GADL1: variants seen among roughly 807,000 people sequenced by gnomAD.
The protein encoded by GADL1 is GAD like acidic amino acid decarboxylase 1, also known as acidic amino acid decarboxylase GADL1.
Under a neutral mutation model 69.5 loss-of-function variants are expected in GADL1, and 71 were observed. The ratio of observed to expected loss-of-function variants is 1.02; its 90% confidence interval spans 0.84 to 1.25. The LOEUF (loss-of-function observed/expected upper bound fraction) is 1.25, where lower values mean the gene tolerates loss of function less well. GADL1 is among the 50% of genes most tolerant of loss of function. The pLI, the probability that GADL1 is intolerant of heterozygous loss-of-function variation, is 0.00. For missense variants in GADL1, 737 were observed against 631.8 expected, an observed-to-expected ratio of 1.17 and a Z score of -1.79; for synonymous variants, 254 against 214.4, an observed-to-expected ratio of 1.18 and a Z score of -1.62.
At chr3:30,758,889 T>C (rs1037028112) in intron 14 of GADL1, among the ~76,000 whole-genome samples, 1 of 152,170 alleles carries the variant, frequency 6.6e-6, no homozygotes, top group African/African-American at 2.4e-5. Context: ...GTGGAATATA[T>C]AGGGGATTTG....
At chr3:30,833,800 G>T in intron 11 of GADL1, 53 bp downstream of exon 11, 2 of 1,286,892 alleles carry the variant, frequency 1.6e-6, no homozygotes, top group Non-Finnish European at 2.3e-6. Flanking sequence ...CCCTTGGCAA[G>T]CACAGTGGCT....
chr3:30,840,940 G>C (rs925434241), intron 8 of GADL1, among the ~76,000 whole-genome samples: 8 of 152,190 alleles, frequency 5.3e-5, no homozygotes, highest in Non-Finnish European at 1.2e-4. Flanking sequence ...ATCCTAGTTT[G>C]AGCTTGTCAG....
chr3:30,774,055 G>A (rs568675773), intron 14 of GADL1, among the ~76,000 whole-genome samples: 3 of 152,228 alleles, frequency 2.0e-5, no homozygotes, highest in Non-Finnish European at 2.9e-5. Flanking sequence ...GACAAGATTC[G>A]ATTGGTAAGA....
intron 8 of GADL1, among the ~76,000 whole-genome samples, 191 bp from the exon 9 acceptor site, chr3:30,839,304 CAG>C (rs751658423): frequency 1.3e-5 from 2 of 151,870 alleles, no homozygotes. Context: ...ATTAAGGAAA[CAG>C]AAAATGCTAT....
intron 14 of GADL1, among the ~76,000 whole-genome samples, chr3:30,759,876 A>T (rs533016960): frequency 1.1e-3 from 175 of 152,290 alleles, no homozygotes; most frequent in African/African-American, 4.1e-3. Context: ...TAACAGACTC[A>T]CAAAATGCTC....
chr3:30,822,887 T>G (rs1257333213), intron 11 of GADL1, among the ~76,000 whole-genome samples: 1 of 151,996 alleles, frequency 6.6e-6, no homozygotes, highest in East Asian at 1.9e-4. Flanking sequence ...GCATGTCTTA[T>G]TCACTGAATA....
intron 1 of GADL1, among the ~76,000 whole-genome samples, chr3:30,891,532 T>C (rs1231524807): frequency 3.9e-5 from 6 of 152,044 alleles, no homozygotes; most frequent in Admixed American, 6.5e-5. Context: ...TTCTGTAACA[T>C]AGGCCAGGGC....
At chr3:30,800,314 C>T (rs1419601498) in intron 12 of GADL1, 1 of 152,640 alleles carries the variant, frequency 6.6e-6, no homozygotes. Context: ...AGTAGAAACC[C>T]CTGATAAAAC....
chr3:30,783,868 A>G (rs899924561), intron 13 of GADL1, among the ~76,000 whole-genome samples: 4 of 152,154 alleles, frequency 2.6e-5, no homozygotes, highest in Admixed American at 1.3e-4. Context: ...TTTCTTTTCT[A>G]AGACTTTAGG....
At chr3:30,814,465 A>T (rs148499785) in intron 11 of GADL1, among the ~76,000 whole-genome samples, 95 of 152,334 alleles carry the variant, frequency 6.2e-4, no homozygotes, top group African/African-American at 2.3e-3. Context: ...TCAGGTTTGC[A>T]AGCCATATGA....
At position 30,740,944 on chromosome 3, in the gene GADL1, A is replaced by G. The variant is rs916069970; in HGVS notation, c.1393-12529T>C. Among the ~76,000 whole-genome samples the G allele has an allele frequency of 4.0e-4, 51 of 127,088 alleles. 1 individual carries two copies. Among genetic ancestry groups the G allele is most frequent in the African/African-American group, 1.4e-3 (39 of 27,340 alleles). The allele number at this position is 127,088 out of a possible 152,430, so 83.4% of individuals were successfully genotyped here. ...AAAAAACAAATATATTATATTTGAT[A>G]TATCAAATATATTTATTATATATTA... On this transcript the variant is annotated intron_variant, in intron 14 of 14. Coordinates refer to ENST00000282538, the MANE Select transcript of GADL1 (RefSeq NM_207359.3).
At chr3:30,760,149 C>T (rs977474385) in intron 14 of GADL1, among the ~76,000 whole-genome samples, 3 of 152,088 alleles carry the variant, frequency 2.0e-5, no homozygotes, top group African/African-American at 7.2e-5. Context: ...TTGGATGTAC[C>T]AGAAAGAGAA....
intron 6 of GADL1, among the ~76,000 whole-genome samples, chr3:30,846,799 C>T (rs1299406585): frequency 2.0e-5 from 3 of 152,226 alleles, no homozygotes; most frequent in East Asian, 1.9e-4. Context: ...GTGGAGAAGA[C>T]CTGCAATCAC....
intron 13 of GADL1, among the ~76,000 whole-genome samples, chr3:30,782,528 T>A (rs1433135907): frequency 6.6e-6 from 1 of 152,078 alleles, no homozygotes. Context: ...TTTTTAGAAA[T>A]GTTGAATTTG....
chr3:30,749,246 G>C (rs756968404), intron 14 of GADL1, among the ~76,000 whole-genome samples: 2 of 148,016 alleles, frequency 1.4e-5, no homozygotes, highest in Non-Finnish European at 2.9e-5. Flanking sequence ...GTATTGCTCA[G>C]CATGTTAAAT....
chr3:30,850,158 G>T, intron 5 of GADL1, 47 bp from the exon 6 acceptor site: 3 of 1,031,936 alleles, frequency 2.9e-6, no homozygotes, highest in Non-Finnish European at 4.6e-6. Flanking sequence ...TGAAGTTATA[G>T]CTCGCAAAAT....
At chr3:30,794,566 C>A (rs1257994372) in intron 12 of GADL1, among the ~76,000 whole-genome samples, 1 of 152,110 alleles carries the variant, frequency 6.6e-6, no homozygotes, top group African/African-American at 2.4e-5. Context: ...CTCTCAGTGT[C>A]ACTGATTTTC....
chr3:30,729,310 A>T (rs1695419168), intron 14 of GADL1, among the ~76,000 whole-genome samples: 1 of 152,228 alleles, frequency 6.6e-6, no homozygotes, highest in South Asian at 2.1e-4. Flanking sequence ...CTGAGTTAAA[A>T]TATTAAGAAT....
At chr3:30,872,830 C>T (rs1209290178) in intron 1 of GADL1, among the ~76,000 whole-genome samples, 1 of 151,910 alleles carries the variant, frequency 6.6e-6, no homozygotes, top group African/African-American at 2.4e-5. Context: ...TATGAATACT[C>T]TGAGTAGCTT....
Sources: gnomAD v4.1 joint callset for allele counts (sites outside exome capture counted in the v4.1 genomes callset) on GRCh38, gnomAD v4.1.1 for gene constraint, MANE v1.5 for transcripts, NCBI Gene and HGNC (gene_info 2026-07-23, HGNC 2026-07-21) for gene names.